MAP3K10: variants seen among roughly 807,000 people sequenced by gnomAD.
MAP3K10 encodes mitogen-activated protein kinase kinase kinase 10.
MAP3K10 carries 22 observed loss-of-function variants against 75.0 expected under a neutral mutation model. That is an observed-to-expected ratio of 0.29 (90% CI 0.21 to 0.42). MAP3K10 has a LOEUF of 0.42. MAP3K10 is among the 10% of genes least tolerant of loss of function. The pLI, the probability that MAP3K10 is intolerant of heterozygous loss-of-function variation, is 1.00. For missense variants in MAP3K10, 1,165 were observed against 1,379.8 expected, an observed-to-expected ratio of 0.84 and a Z score of 2.47; for synonymous variants, 599 against 612.9, an observed-to-expected ratio of 0.98 and a Z score of 0.34.
chr19:40,193,691 A>ATTTTT (rs1972857015), intron 1 of MAP3K10, among the ~76,000 whole-genome samples: 3 of 152,098 alleles, frequency 2.0e-5, no homozygotes, highest in East Asian at 1.9e-4. Context: ...AAAATCTTAC[A>ATTTTT]TTCCTGGCTC....
Position 40,214,002 on chromosome 19 carries a change from T to TACCCCCCCCCCCCCCCCCC in MAP3K10, c.2323_2324insACCCCCCCCCCCCCCCCCC (p.Ser775TyrfsTer83). ...TGACGAGGCCGCACCGGCCGCGCCC[T>TACCCCCCCCCCCCCCCCCC]CCCCACCACCCTCCCCGCCCGCGCC... On this transcript the variant is annotated frameshift_variant, in exon 9 of 10. Transcript: ENST00000253055. LOFTEE classifies it high-confidence loss of function. The TACCCCCCCCCCCCCCCCCC allele has an allele frequency of 6.7e-7, 1 of 1,493,670 alleles. No homozygotes were observed. Among genetic ancestry groups the TACCCCCCCCCCCCCCCCCC allele is most frequent in the Non-Finnish European group, 8.9e-7 (1 of 1,123,854 alleles). 92.5% of individuals were successfully genotyped at this position (1,493,670 alleles called of 1,614,324 possible).
At chr19:40,194,402 G>A (rs750876294) in intron 1 of MAP3K10, among the ~76,000 whole-genome samples, 1 of 152,048 alleles carries the variant, frequency 6.6e-6, no homozygotes, top group Non-Finnish European at 1.5e-5. Flanking sequence ...CAGAGCTGGT[G>A]CTGTGTCTGG....
chr19:40,196,708 A>T (rs552309904), intron 1 of MAP3K10, among the ~76,000 whole-genome samples: 1 of 152,238 alleles, frequency 6.6e-6, no homozygotes, highest in South Asian at 2.1e-4. Context: ...TAGTAGAGAC[A>T]GGGTTTCACT....
intron 5 of MAP3K10, 24 bp downstream of exon 5, chr19:40,206,181 GC>G: frequency 1.3e-6 from 2 of 1,569,274 alleles, no homozygotes; most frequent in Non-Finnish European, 1.7e-6. Flanking sequence ...TCCCCAGAGC[GC>G]CCCCCAAGAG....
rs61289931 is a variant in MAP3K10 at position 40,195,471 on chromosome 19, CTTTTTTTT to C, written c.682+2788_682+2795del. 1.0e-4 allele frequency among the ~76,000 whole-genome samples: 5 copies of C among 48,658 alleles called. No homozygotes were observed. In the South Asian group the frequency reaches 3.5e-3, roughly 34 times the overall value. The allele number at this position is 48,658 out of a possible 152,430, so 31.9% of individuals were successfully genotyped here. ...GAGGTAACACTGAAGCCCGCCCGGC[CTTTTTTTT>C]TTTTTTTTTTTTTTTTTTTTTTTTT... On this transcript the variant is annotated intron_variant, in intron 1 of 9. Transcript: ENST00000253055.
rs564392076 is a variant in MAP3K10, at chr19:40,205,677, T to C, written c.1189-234T>C. On this transcript the variant is annotated intron_variant, in intron 4 of 9. Coordinates refer to ENST00000253055, the MANE Select transcript of MAP3K10 (RefSeq NM_002446.4). The surrounding 1 kb of genome is among the most constrained non-coding windows in gnomAD (Gnocchi z 4.3). Reference sequence around the variant, plus strand: ...TTGTGGATGTTTGAAGTTTTCTAAATTGAAGAGTTAAGAAAGAAAAAGAAA... The same window carrying C: ...TTGTGGATGTTTGAAGTTTTCTAAACTGAAGAGTTAAGAAAGAAAAAGAAA... The C allele has an allele frequency of 1.7e-4, 89 of 527,738 alleles. No homozygotes were observed. The highest frequency in any genetic ancestry group is 1.6e-3 in the Admixed American group (43 of 27,628). 32.7% of individuals were successfully genotyped at this position (527,738 alleles called of 1,614,324 possible).
chr19:40,195,632 T>G (rs1486391874), intron 1 of MAP3K10, among the ~76,000 whole-genome samples: 1 of 151,962 alleles, frequency 6.6e-6, no homozygotes, highest in Non-Finnish European at 1.5e-5. Context: ...TAGGCAGGGC[T>G]ACAGGCGTGC....
rs192014184 is a variant in MAP3K10 at position 40,191,465 on chromosome 19, G to T, written c.-567G>T. ...GCCGGTGGCCCGGGGAAGCAGCACG[G>T]GCGGGGGGCAGGGGCTGGGGCCGAC... On this transcript the variant is annotated 5_prime_UTR_variant, in exon 1 of 10. Coordinates refer to ENST00000253055, the MANE Select transcript of MAP3K10 (RefSeq NM_002446.4). Among the ~76,000 whole-genome samples the T allele has an allele frequency of 0.038, 5,767 of 151,558 alleles. 170 individuals carry two copies. The highest frequency in any genetic ancestry group is 0.059 in the Non-Finnish European group (3,973 of 67,784).
At position 40,209,127 on chromosome 19, in the gene MAP3K10, A is replaced by G; in HGVS notation, c.1460A>G (p.Gln487Arg). ...PSGFEHKITV[Q>R]ASPTLDKRKG... The stretch of plus-strand genomic sequence containing the variant: ...GGCTTTGAGCATAAGATCACAGTCC[A>G]GGCCTCTCCAACTCTGGATAAGCGG... Residue 487 changes from glutamine (Q) to arginine (R), a missense_variant, in exon 6 of 10, where the codon CAG (glutamine) becomes CGG (arginine). Transcript: ENST00000253055. 1 of 1,614,120 alleles carries G rather than the reference A, an allele frequency of 6.2e-7. No homozygotes were observed. Among genetic ancestry groups the G allele is most frequent in the Non-Finnish European group, 8.5e-7 (1 of 1,179,918 alleles).
At chr19:40,209,337 C>T in intron 6 of MAP3K10, 118 bp downstream of exon 6, 1 of 657,904 alleles carries the variant, frequency 1.5e-6, no homozygotes. Context: ...AGACAAGGCC[C>T]TTTTCCTCAT....
rs923297853 is a variant in MAP3K10, at chr19:40,205,573, C to T, written c.1188+277C>T. ...AAGAGAGGGCAAGAGGAGAGAAGGACGGGGATACAAGATTCGCAAAGCATA... is the reference window on the plus strand; with the variant it reads ...AAGAGAGGGCAAGAGGAGAGAAGGATGGGGATACAAGATTCGCAAAGCATA... On this transcript the variant is annotated intron_variant, in intron 4 of 9. Transcript: ENST00000253055. The surrounding 1 kb of genome is among the most constrained non-coding windows in gnomAD (Gnocchi z 4.3). The T allele has an allele frequency of 4.1e-5, 22 of 537,408 alleles. No homozygotes were observed. The East Asian group carries it at 4.4e-4, about 11-fold the overall frequency. 33.3% of individuals were successfully genotyped at this position (537,408 alleles called of 1,614,324 possible).
Position 40,213,920 on chromosome 19 carries a change from G to T in MAP3K10, c.2241G>T (p.Val747=), listed in dbSNP as rs775729126. ...GCCTGGCGCCCTCGGCCACCCTCGTGTCGCTGTCGTCCGTGTCCGACTGCA... is the reference window on the plus strand; with the variant it reads ...GCCTGGCGCCCTCGGCCACCCTCGTTTCGCTGTCGTCCGTGTCCGACTGCA... ...GLGLAPSATL[V]SLSSVSDCNS... Residue 747 remains valine, a synonymous_variant, in exon 9 of 10, where the codon GTG becomes GTT. Transcript: ENST00000253055. The surrounding 1 kb of genome is among the most constrained non-coding windows in gnomAD (Gnocchi z 5.7). 1.9e-4 allele frequency: 292 copies of T among 1,521,220 alleles called. 3 individuals carry two copies. Among genetic ancestry groups the T allele is most frequent in the Non-Finnish European group, 3.5e-5 (40 of 1,142,322 alleles). 94.2% of individuals were successfully genotyped at this position (1,521,220 alleles called of 1,614,324 possible). A position where few individuals can be genotyped will look rare whatever the true frequency, so the allele number is the denominator to read the frequency against.
rs769454308 is a variant in MAP3K10 at position 40,215,019 on chromosome 19, G to A, written c.2592G>A (p.Leu864=). ...CCCGCCTGCCCGACCCCCAGGCCCT[G>A]TTCCCAGCCCGCCGCCGGCCCCCTG... ...DFPRLPDPQA[L]FPARRRPPEF... Residue 864 remains leucine (L), a synonymous_variant, in exon 10 of 10, where the codon CTG becomes CTA. Transcript: ENST00000253055. The A allele has an allele frequency of 1.9e-6, 3 of 1,599,662 alleles. No individual in the cohort carries two copies. Among genetic ancestry groups the A allele is most frequent in the South Asian group, 1.1e-5 (1 of 90,730 alleles).
intron 2 of MAP3K10, among the ~76,000 whole-genome samples, chr19:40,203,048 A>G (rs147625855): frequency 4.9e-4 from 74 of 152,236 alleles, no homozygotes; most frequent in South Asian, 1.0e-3. Flanking sequence ...CTTAATAAGT[A>G]TACGTTGAAT....
chr19:40,203,951 A>G (rs146360596), intron 2 of MAP3K10, among the ~76,000 whole-genome samples: 2 of 152,302 alleles, frequency 1.3e-5, no homozygotes, highest in Non-Finnish European at 2.9e-5. Flanking sequence ...GAGGTTAGAA[A>G]GCACAGGGCC....
rs755959692 is a variant in MAP3K10, at chr19:40,198,559, C to G, written c.863+4C>G. The G allele has an allele frequency of 6.2e-7, 1 of 1,604,640 alleles. No homozygotes were observed. The highest frequency in any genetic ancestry group is 1.3e-5 in the African/African-American group (1 of 74,778). ...CCAAAAGCAGTGATGTCTGGAGGTG[C>G]TGAAAGGCGCGGCCGGGATGGCCTC... is the stretch of plus-strand genomic sequence containing the variant. On this transcript the variant is annotated splice_donor_region_variant and intron_variant, in intron 2 of 9. Coordinates refer to ENST00000253055, the MANE Select transcript of MAP3K10 (RefSeq NM_002446.4). The surrounding 1 kb of genome is among the most constrained non-coding windows in gnomAD (Gnocchi z 4.3).
In MAP3K10 at chr19:40,192,646, G is replaced by A; in HGVS notation, c.615G>A (p.Arg205=). The change falls in exon 1 of 10, where the codon CGG becomes CGA. Residue 205 remains arginine (R), a synonymous_variant. Transcript: ENST00000253055. This position sits in a 1 kb window ranked among gnomAD's most constrained non-coding sequence, Gnocchi z 7.1. The stretch of plus-strand genomic sequence containing the variant: ...TCAACTGGGCTGTGCAGGTGGCCCG[G>A]GGCATGAACTACCTACACAATGATG... ...VLVNWAVQVA[R]GMNYLHNDAP... is the part of the protein sequence containing the mutation. The A allele has an allele frequency of 2.5e-6, 4 of 1,598,136 alleles. No homozygotes were observed. The highest frequency in any genetic ancestry group is 3.4e-6 in the Non-Finnish European group (4 of 1,172,092).
intron 2 of MAP3K10, among the ~76,000 whole-genome samples, chr19:40,200,364 C>T (rs2145076857): frequency 6.6e-6 from 1 of 152,222 alleles, no homozygotes; most frequent in Non-Finnish European, 1.5e-5. Flanking sequence ...TTGCTGTCAC[C>T]AGTGAGAGTT....
At position 40,214,028 on chromosome 19, in the gene MAP3K10, CA is replaced by C; in HGVS notation, c.2350del (p.Thr784HisfsTer38). On this transcript the variant is annotated frameshift_variant, in exon 9 of 10. Coordinates refer to ENST00000253055, the MANE Select transcript of MAP3K10 (RefSeq NM_002446.4). LOFTEE classifies it high-confidence loss of function. ...CCCCACCACCCTCCCCGCCCGCGCCCACACCCACGCCCTCGCCCAGCACCAA... is the reference window on the plus strand; with the variant it reads ...CCCCACCACCCTCCCCGCCCGCGCCCCACCCACGCCCTCGCCCAGCACCAA... ...PSPPPSPPAP[T>X]PTPSPSTNPL... 1 of 1,525,618 alleles carries C rather than the reference CA, an allele frequency of 6.6e-7. No individual in the cohort carries two copies. Among genetic ancestry groups the C allele is most frequent in the Non-Finnish European group, 8.8e-7 (1 of 1,141,962 alleles). The allele number at this position is 1,525,618 out of a possible 1,614,324, so 94.5% of individuals were successfully genotyped here.
Sources: allele counts gnomAD v4.1 joint callset (sites outside exome capture counted in the v4.1 genomes callset), GRCh38; gene constraint gnomAD v4.1.1; non-coding constraint Gnocchi (gnomAD v3.1); transcripts MANE v1.5; gene names NCBI Gene and HGNC (gene_info 2026-07-23, HGNC 2026-07-21).